The following CROCC variants were observed in gnomAD, a reference collection of about 807,000 sequenced individuals.
The protein encoded by CROCC is ciliary rootlet coiled-coil, rootletin, also known as rootletin.
In CROCC, 180 loss-of-function variants were observed where a neutral mutation model predicts 245.2. The ratio of observed to expected loss-of-function variants is 0.73; its 90% CI spans 0.65 to 0.83. The LOEUF (loss-of-function observed/expected upper bound fraction) is 0.83, where lower values mean the gene tolerates loss of function less well. Among genes scored for constraint, CROCC ranks in the 40% least tolerant of loss-of-function variants. CROCC has a pLI of 0.00. For missense variants in CROCC, 2,688 were observed against 2,779.4 expected (o/e 0.97, Z 0.74); for synonymous variants, 1,205 against 1,241.6 (o/e 0.97, Z 0.62).
rs374758748 is a variant in CROCC at position 16,958,620 on chromosome 1, G to A, written c.3902G>A (p.Arg1301Gln). 112 of 1,555,036 alleles carry A rather than the reference G, an allele frequency of 7.2e-5. 2 individuals carry two copies. In the South Asian group the frequency reaches 8.5e-4, roughly 12 times the overall value. Residue 1301 changes from arginine (R) to glutamine (Q), a missense_variant, in exon 26 of 37, where the codon CGG becomes CAG. Around this residue, in one of 9 missense-constraint regions of CROCC, gnomAD observed 1,218 missense variants for 1,286.3 expected, o/e 0.95. Transcript: ENST00000375541. ...GACAGTGAGAACACCAGACTGGGCC[G>A]GGAGCTGGCGGAGCTGCAGGGCCGC... ...MLDSENTRLG[R>Q]ELAELQGRLA...
At position 16,953,382 on chromosome 1, in the gene CROCC, C is replaced by T; in HGVS notation, c.3087C>T (p.Ala1029=). 12 of 1,610,470 alleles carry T rather than the reference C, an allele frequency of 7.5e-6. No individual in the cohort carries two copies. Among genetic ancestry groups the T allele is most frequent in the Non-Finnish European group, 1.0e-5 (12 of 1,179,674 alleles). The change falls in exon 21 of 37, where the codon GCC becomes GCT. Residue 1029 remains alanine, a synonymous_variant. Transcript: ENST00000375541. ...QLQREQEELL[A]RLEAEKEELS... Reference sequence around the variant, plus strand: ...AGCGTGAGCAGGAGGAGCTGCTGGCCCGGCTGGAGGCTGAGAAGGAAGAGC... The same window carrying T: ...AGCGTGAGCAGGAGGAGCTGCTGGCTCGGCTGGAGGCTGAGAAGGAAGAGC...
Position 16,930,598 on chromosome 1 carries a change from G to A in CROCC, c.849+4G>A. ...GGCGTGGAGGCGCGAGGAGGAGGTG[G>A]GCATGGGGGTGCAGGGAGGCCAGCC... On this transcript the variant is annotated splice_donor_region_variant and intron_variant, in intron 7 of 36. Transcript: ENST00000375541. 6.2e-7 allele frequency: 1 copy of A among 1,606,272 alleles called. No homozygotes were observed. Among genetic ancestry groups the A allele is most frequent in the Admixed American group, 1.7e-5 (1 of 59,110 alleles).
Position 16,969,202 on chromosome 1 carries a change from G to C in CROCC, c.5163G>C (p.Glu1721Asp), listed in dbSNP as rs2076470239. The change falls in exon 32 of 37, where the codon GAG becomes GAC. Residue 1721 changes from glutamate to aspartate, a missense_variant. Transcript: ENST00000375541. ...CCCTGGCTAAGGTGGAGGAAAGCGA[G>C]GGGGCCCTGCGGGACAAGGTGCGGG... ...NGALAKVEES[E>D]GALRDKVRGL... 1 of 1,609,796 alleles carries C rather than the reference G, an allele frequency of 6.2e-7. No individual in the cohort carries two copies. The highest frequency in any genetic ancestry group is 1.1e-5 in the South Asian group (1 of 90,624).
rs921920661 is a variant in CROCC, at chr1:16,966,176, A to G, written c.4696+57A>G. 3 of 1,564,412 alleles carry G rather than the reference A, an allele frequency of 1.9e-6. No individual in the cohort carries two copies. The highest frequency in any genetic ancestry group is 2.6e-6 in the Non-Finnish European group (3 of 1,149,750). ...CTCCTGTGTTTTGGGCAGTTGAGGC[A>G]GGAGCCGGGGGATTGGCCTCTGACC... is the stretch of plus-strand genomic sequence containing the variant. On this transcript the variant is annotated intron_variant, in intron 29 of 36. Transcript: ENST00000375541. The surrounding 1 kb of genome is among the most constrained non-coding windows in gnomAD (Gnocchi z 4.8).
chr1:16,947,329 C>T (rs369214199), intron 17 of CROCC, among the ~76,000 whole-genome samples: 36 of 151,458 alleles, frequency 2.4e-4, no homozygotes, highest in Admixed American at 3.3e-4. Flanking sequence ...ATTAGCTGGG[C>T]GTGGTGGCAC....
At chr1:16,943,536 T>TAA (rs2075978217) in intron 13 of CROCC, among the ~76,000 whole-genome samples, 1 of 127,418 alleles carries the variant, frequency 7.8e-6, no homozygotes, top group African/African-American at 2.8e-5. Context: ...AGACTCCGTC[T>TAA]CAAAAAAAAA....
chr1:16,937,465 C>T (rs1253539777), intron 9 of CROCC, among the ~76,000 whole-genome samples, 176 bp from the exon 10 acceptor site: 2 of 152,254 alleles, frequency 1.3e-5, no homozygotes, highest in African/African-American at 4.8e-5. Flanking sequence ...TCCCATTTCA[C>T]AGATGAGAAA....
At position 16,972,533 on chromosome 1, in the gene CROCC, C is replaced by A; in HGVS notation, c.*87C>A. 1.2e-6 allele frequency: 1 copy of A among 852,224 alleles called. No homozygotes were observed. Among genetic ancestry groups the A allele is most frequent in the South Asian group, 1.9e-5 (1 of 52,526 alleles). 52.8% of individuals were successfully genotyped at this position (852,224 alleles called of 1,614,324 possible). A position where few individuals can be genotyped will look rare whatever the true frequency, so the allele number is the denominator to read the frequency against. ...ACAGCCCCCCCACCCAGAGCCCGGTCCCTTGGGGGCCTCAAGCTGGGGTGG... is the reference window on the plus strand; with the variant it reads ...ACAGCCCCCCCACCCAGAGCCCGGTACCTTGGGGGCCTCAAGCTGGGGTGG... On this transcript the variant is annotated 3_prime_UTR_variant, in exon 37 of 37. Coordinates refer to ENST00000375541, the MANE Select transcript of CROCC (RefSeq NM_014675.5).
chr1:16,946,057 G>A (rs1428978104), intron 15 of CROCC, among the ~76,000 whole-genome samples: 2 of 152,282 alleles, frequency 1.3e-5, no homozygotes, highest in Admixed American at 1.3e-4. Flanking sequence ...TTTTTGCACA[G>A]CTCTGTGGTG....
chr1:16,938,278 C>G lies in CROCC; in HGVS notation c.1291-122C>G, dbSNP rs1270930453. 3.2e-5 allele frequency: 28 copies of G among 879,216 alleles called. No homozygotes were observed. In the East Asian group the frequency reaches 7.4e-4, roughly 23 times the overall value. The allele number at this position is 879,216 out of a possible 1,614,324, so 54.5% of individuals were successfully genotyped here. ...GCCTGCTGTGGGGTCTACCAGGTGG[C>G]TGGCCTATGGACATGGCTTCAGAGG... On this transcript the variant is annotated intron_variant, in intron 10 of 36. Transcript: ENST00000375541.
chr1:16,955,499 C>G lies in CROCC; in HGVS notation c.3653C>G (p.Ser1218Cys), dbSNP rs201652327. The stretch of plus-strand genomic sequence containing the variant: ...AAGGAGCGCGAGGCCCTGCGGCGTT[C>G]CAATGAGGAGCTTCGGTCTGCTGTG... ...GAKEREALRR[S>C]NEELRSAVKK... The change falls in exon 24 of 37, where the codon TCC (serine) becomes TGC (cysteine). Residue 1218 changes from serine (S) to cysteine (C), a missense_variant. Physicochemically the swap from Ser to Cys is moderately radical, Grantham distance 112 (BLOSUM62 -1). This residue lies in a region of CROCC where 1,218 missense variants were observed against 1,286.3 expected (regional missense o/e 0.95). Transcript: ENST00000375541. 5.7e-6 allele frequency: 9 copies of G among 1,576,882 alleles called. No homozygotes were observed. The East Asian group carries it at 2.0e-4, about 36-fold the overall frequency.
chr1:16,937,583 G>A (rs1353683015), intron 9 of CROCC, 58 bp from the exon 10 acceptor site: 380 of 1,417,004 alleles, frequency 2.7e-4, no homozygotes, highest in Non-Finnish European at 3.6e-4. Flanking sequence ...CACAGAGCTA[G>A]TGGATTTGAG....
chr1:16,932,983 T>A (rs1250238330), intron 8 of CROCC, among the ~76,000 whole-genome samples: 2 of 152,280 alleles, frequency 1.3e-5, no homozygotes, highest in Non-Finnish European at 2.9e-5. Context: ...GCTGATTTTT[T>A]TATTTCTTGT....
At chr1:16,923,232 G>A (rs535713222) in intron 2 of CROCC, among the ~76,000 whole-genome samples, 4 of 152,406 alleles carry the variant, frequency 2.6e-5, no homozygotes, top group African/African-American at 7.2e-5. Flanking sequence ...GCTCCTCTCA[G>A]TGGGTGGCGC....
chr1:16,968,867 C>G (rs1285716856), intron 31 of CROCC, among the ~76,000 whole-genome samples: 1 of 152,162 alleles, frequency 6.6e-6, no homozygotes, highest in East Asian at 1.9e-4. Context: ...AGGGAGGAGA[C>G]CAGGGAGTCT....
At position 16,930,303 on chromosome 1, in the gene CROCC, A is replaced by C; in HGVS notation, c.639A>C (p.Gln213His). 6.2e-7 allele frequency: 1 copy of C among 1,607,004 alleles called. No individual in the cohort carries two copies. Among genetic ancestry groups the C allele is most frequent in the African/African-American group, 1.3e-5 (1 of 74,950 alleles). ...CCACCCAGGACACAGAGCACAGCCAAGACCTGGAAAGCGCCCTCATCCGGC... is the reference window on the plus strand; with the variant it reads ...CCACCCAGGACACAGAGCACAGCCACGACCTGGAAAGCGCCCTCATCCGGC... ...QQRLRDTEHSQDLESALIRLE... is the reference protein window; with the variant it reads ...QQRLRDTEHSHDLESALIRLE... The change falls in exon 6 of 37, where the codon CAA (glutamine) becomes CAC (histidine). Residue 213 changes from glutamine (Q) to histidine (H), a missense_variant. Around this residue, in one of 9 missense-constraint regions of CROCC, gnomAD observed 972 missense variants for 895.3 expected, o/e 1.09. Coordinates refer to ENST00000375541, the MANE Select transcript of CROCC (RefSeq NM_014675.5).
intron 36 of CROCC, 81 bp downstream of exon 36, chr1:16,971,728 T>C: frequency 7.5e-7 from 1 of 1,339,566 alleles, no homozygotes. Context: ...CAAGACCTTG[T>C]GGGTATAGGC....
Position 16,938,955 on chromosome 1 carries a change from A to AGCGCACC in CROCC, c.1425_1431dup (p.Asp478HisfsTer68). The AGCGCACC allele has an allele frequency of 6.2e-7, 1 of 1,605,126 alleles. No individual in the cohort carries two copies. The highest frequency in any genetic ancestry group is 8.5e-7 in the Non-Finnish European group (1 of 1,177,690). The stretch of plus-strand genomic sequence containing the variant: ...AGCGGCGTCCAGCTGAGCGGCTCTG[A>AGCGCACC]GCGCACCGCGGATGCTTCCAACGGC... On this transcript the variant is annotated frameshift_variant, in exon 12 of 37. Coordinates refer to ENST00000375541, the MANE Select transcript of CROCC (RefSeq NM_014675.5). LOFTEE classifies it high-confidence loss of function.
At chr1:16,943,263 C>T (rs2075970667) in intron 13 of CROCC, among the ~76,000 whole-genome samples, 2 of 150,740 alleles carry the variant, frequency 1.3e-5, no homozygotes, top group South Asian at 2.1e-4. Context: ...AATTACTGGG[C>T]GCATTGGCTC....
Sources: allele counts gnomAD v4.1 joint callset (sites outside exome capture counted in the v4.1 genomes callset), GRCh38; gene constraint gnomAD v4.1.1; regional missense constraint gnomAD v4.1.1; non-coding constraint Gnocchi (gnomAD v3.1); transcripts MANE v1.5; gene names NCBI Gene and HGNC (gene_info 2026-07-23, HGNC 2026-07-21).